The following EVC2 variants were observed in gnomAD, a reference collection of about 807,000 sequenced individuals.
EVC2 encodes EvC ciliary complex subunit 2.
Under a neutral mutation model 149.3 loss-of-function variants are expected in EVC2, and 148 were observed. The ratio of observed to expected loss-of-function variants is 0.99; its 90% CI spans 0.87 to 1.14. The LOEUF is 1.14. Ranked by LOEUF, EVC2 falls within the 50% of genes most tolerant of loss-of-function variation. EVC2 has a pLI of 0.00. For missense variants in EVC2, 1,854 were observed against 1,627.3 expected (o/e 1.14, Z -2.40); for synonymous variants, 776 against 649.9 (o/e 1.19, Z -2.95).
At chr4:5,648,135 C>G (rs1717860245) in intron 9 of EVC2, among the ~76,000 whole-genome samples, 1 of 152,162 alleles carries the variant, frequency 6.6e-6, no homozygotes. Context: ...TAGCCATCAC[C>G]TTAAATATTT....
rs1461103028 is a variant in EVC2, at chr4:5,686,694, A to C, written c.707-1215T>G. Reference sequence around the variant, plus strand: ...CAAACAACACTGGCTCTAATAAAAGAAAAGCACCAAATAATAATGATGAGG... The same window carrying C: ...CAAACAACACTGGCTCTAATAAAAGCAAAGCACCAAATAATAATGATGAGG... On this transcript the variant is annotated intron_variant, in intron 5 of 21. Coordinates refer to ENST00000344408, the MANE Select transcript of EVC2 (RefSeq NM_147127.5). This position sits in a 1 kb window ranked among gnomAD's most constrained non-coding sequence, Gnocchi z 5.4. Among the ~76,000 whole-genome samples, 3 of 152,192 alleles carry C rather than the reference A, an allele frequency of 2.0e-5. No individual in the cohort carries two copies. The highest frequency in any genetic ancestry group is 7.2e-5 in the African/African-American group (3 of 41,460).
intron 7 of EVC2, among the ~76,000 whole-genome samples, chr4:5,666,528 G>A (rs897506935): frequency 6.6e-6 from 1 of 152,006 alleles, no homozygotes; most frequent in African/African-American, 2.4e-5. Flanking sequence ...GTTTTTCATG[G>A]CCTATCTTTT....
At chr4:5,608,361 C>T (rs1397347986) in intron 16 of EVC2, among the ~76,000 whole-genome samples, 2 of 152,170 alleles carry the variant, frequency 1.3e-5, no homozygotes, top group African/African-American at 4.8e-5. Context: ...AGATGCAGCT[C>T]CATCTTTCCA....
chr4:5,599,581 A>C, intron 16 of EVC2, among the ~76,000 whole-genome samples: 1 of 151,784 alleles, frequency 6.6e-6, no homozygotes, highest in Non-Finnish European at 1.5e-5. Context: ...TGGGGTGGGC[A>C]GAGGGGGGAG....
intron 3 of EVC2, among the ~76,000 whole-genome samples, chr4:5,692,967 G>A (rs1721227041): frequency 6.6e-6 from 1 of 151,950 alleles, no homozygotes. Flanking sequence ...CCTGACCCAG[G>A]CCTCTGATTC....
chr4:5,654,535 A>G (rs959004533), intron 9 of EVC2, among the ~76,000 whole-genome samples: 3 of 152,116 alleles, frequency 2.0e-5, no homozygotes, highest in African/African-American at 7.2e-5. Flanking sequence ...TGCATTTCCA[A>G]GGGTTTCCTC....
chr4:5,627,382 G>A (rs1293299008), intron 12 of EVC2, among the ~76,000 whole-genome samples: 1 of 152,210 alleles, frequency 6.6e-6, no homozygotes, highest in Non-Finnish European at 1.5e-5. Context: ...TTTCACTTGA[G>A]TGCAAATTAA....
the EVC2 span, among the ~76,000 whole-genome samples, chr4:5,530,496 A>G: frequency 9.9e-5 from 15 of 151,684 alleles, no homozygotes; most frequent in Admixed American, 9.9e-4. Flanking sequence ...AAACAAACTA[A>G]CATATGAATC....
rs1217842109 is a variant in EVC2, at chr4:5,708,421, G to A, written c.93C>T (p.Leu31=). 4.0e-6 allele frequency: 6 copies of A among 1,503,626 alleles called. No individual in the cohort carries two copies. The African/African-American group carries it at 5.8e-5, about 15-fold the overall frequency. 93.1% of individuals were successfully genotyped at this position (1,503,626 alleles called of 1,614,324 possible). Residue 31 remains leucine (L), a synonymous_variant, in exon 1 of 22, where the codon CTC becomes CTT. Coordinates refer to ENST00000344408, the MANE Select transcript of EVC2 (RefSeq NM_147127.5). ...GCCAGCGGGGACGTGAGCTGGCGCC[G>A]AGACAGCCTCGGCCCCCCAGCGCCA... is the stretch of plus-strand genomic sequence containing the variant. The part of the protein sequence containing the change: ...VALALGGRGC[L]GASSRPRWRP...
rs57185424 is a variant in EVC2 at position 5,628,530 on chromosome 4, C to T, written c.1886+29G>A. 24,571 of 1,613,112 alleles carry T rather than the reference C, an allele frequency of 0.015. 2,817 individuals are homozygous for T. In the African/African-American group the frequency reaches 0.27, roughly 18 times the overall value. On this transcript the variant is annotated intron_variant, in intron 12 of 21. Transcript: ENST00000344408. The stretch of plus-strand genomic sequence containing the variant: ...CAGCAGAAAACAGACTAAGACAGTT[C>T]GCACTGTTGGGACAGTGTTGAGTGG...
chr4:5,624,595 A>C (rs1263458556), intron 13 of EVC2, among the ~76,000 whole-genome samples: 2 of 152,210 alleles, frequency 1.3e-5, no homozygotes, highest in African/African-American at 4.8e-5. Context: ...TTCACAGAAG[A>C]CTGCCAGAAT....
At chr4:5,555,372 T>C (rs1166753237) in intron 21 of EVC2, among the ~76,000 whole-genome samples, 1 of 152,186 alleles carries the variant, frequency 6.6e-6, no homozygotes, top group Non-Finnish European at 1.5e-5. Context: ...GATGGATTTT[T>C]TAAAAGGATC....
At chr4:5,589,214 G>A (rs1383272165) in intron 16 of EVC2, among the ~76,000 whole-genome samples, 2 of 152,170 alleles carry the variant, frequency 1.3e-5, no homozygotes, top group Non-Finnish European at 2.9e-5. Context: ...CTTTTATGTG[G>A]GACTAGCATA....
intron 16 of EVC2, among the ~76,000 whole-genome samples, chr4:5,587,223 C>T (rs557719446): frequency 4.3e-4 from 65 of 152,254 alleles, no homozygotes; most frequent in African/African-American, 1.5e-3. Context: ...TTTTCACCAC[C>T]CCTAAAGCAA....
chr4:5,697,359 A>T (rs180962774), intron 2 of EVC2, among the ~76,000 whole-genome samples: 8 of 152,312 alleles, frequency 5.3e-5, no homozygotes, highest in African/African-American at 1.9e-4. Flanking sequence ...CCTTCAGGGG[A>T]TATCAAAAAG....
chr4:5,704,613 G>A (rs1415338060), intron 1 of EVC2, among the ~76,000 whole-genome samples: 3 of 152,166 alleles, frequency 2.0e-5, no homozygotes, highest in Non-Finnish European at 4.4e-5. Context: ...CCAGCACTGA[G>A]TCCTGGGGTG....
rs1720090546 is a variant in EVC2, at chr4:5,677,788, A to C, written c.870+3472T>G. Among the ~76,000 whole-genome samples, 1 of 152,224 alleles carries C rather than the reference A, an allele frequency of 6.6e-6. No individual in the cohort carries two copies. The highest frequency in any genetic ancestry group is 1.5e-5 in the Non-Finnish European group (1 of 68,034). ...CAATGTACCGCACAGTGGGGGACAC[A>C]GGCAAATCCGACATGGCCTCACCCG... On this transcript the variant is annotated intron_variant, in intron 7 of 21. Transcript: ENST00000344408. This position sits in a 1 kb window ranked among gnomAD's most constrained non-coding sequence, Gnocchi z 4.3.
At chr4:5,550,056 T>G (rs1308211727) in intron 21 of EVC2, among the ~76,000 whole-genome samples, 1 of 152,210 alleles carries the variant, frequency 6.6e-6, no homozygotes, top group Non-Finnish European at 1.5e-5. Flanking sequence ...GTAAGTCTAT[T>G]CAGCATTTTT....
At chr4:5,593,691 C>G (rs1713066010) in intron 16 of EVC2, among the ~76,000 whole-genome samples, 1 of 152,156 alleles carries the variant, frequency 6.6e-6, no homozygotes, top group Non-Finnish European at 1.5e-5. Context: ...CCGGGATCAT[C>G]TCACTAGGGA....
Sources: allele counts gnomAD v4.1 joint callset (sites outside exome capture counted in the v4.1 genomes callset), GRCh38; gene constraint gnomAD v4.1.1; non-coding constraint Gnocchi (gnomAD v3.1); transcripts MANE v1.5; gene names NCBI Gene and HGNC (gene_info 2026-07-23, HGNC 2026-07-21).